TNNC2: variants seen among roughly 807,000 people sequenced by gnomAD.
TNNC2 encodes the protein troponin C, skeletal muscle.
Under a neutral mutation model 20.0 loss-of-function variants are expected in TNNC2, and 14 were observed. The ratio of observed to expected loss-of-function variants is 0.70; its 90% CI spans 0.46 to 1.09. TNNC2 has a LOEUF of 1.09. TNNC2 is among the 50% of genes least tolerant of loss of function. The probability of loss-of-function intolerance (pLI) is 0.00; values close to 1 mark genes in which losing one functional copy is unlikely to be tolerated. For synonymous variants in TNNC2, 81 were observed against 77.3 expected (o/e 1.05, Z -0.25); for missense variants, 163 against 223.8 (o/e 0.73, Z 1.73).
At chr20:45,828,197 C>CT (rs10630967), upstream of TNNC2, among the ~76,000 whole-genome samples, 12,418 of 142,258 alleles carry the variant, frequency 0.087, 1,295 homozygotes, top group African/African-American at 0.24. Flanking sequence ...CCACCCCTGG[C>CT]TTTTTTTTTT....
intron 2 of TNNC2, chr20:45,833,148 GAGAAAGAA>G (rs142638193): frequency 1.4e-5 from 2 of 146,004 alleles, no homozygotes; most frequent in Non-Finnish European, 3.0e-5. Context: ...CATCTCAAAA[GAGAAAGAA>G]AGAAAGAAAG....
chr20:45,826,693 C>A (rs753714100), intron 1 of TNNC2, among the ~76,000 whole-genome samples: 1 of 152,180 alleles, frequency 6.6e-6, no homozygotes, highest in Non-Finnish European at 1.5e-5. Flanking sequence ...GGATCTCAGA[C>A]CAAAACAACA....
chr20:45,826,770 C>T (rs892234180), intron 1 of TNNC2, among the ~76,000 whole-genome samples: 2 of 152,302 alleles, frequency 1.3e-5, no homozygotes, highest in East Asian at 1.9e-4. Flanking sequence ...ATCTTCTGCC[C>T]CTTCCCATCA....
chr20:45,825,600 G>GT (rs1555819742), intron 1 of TNNC2, among the ~76,000 whole-genome samples: 4 of 150,434 alleles, frequency 2.7e-5, no homozygotes, highest in Admixed American at 6.6e-5. Flanking sequence ...CCTGACCCCA[G>GT]TTTTTTTTGT....
chr20:45,831,298 C>T (rs1194558016), upstream of TNNC2, among the ~76,000 whole-genome samples: 4 of 151,180 alleles, frequency 2.6e-5, no homozygotes, highest in African/African-American at 9.7e-5. Flanking sequence ...AAGAAGAGGC[C>T]GGGCACGGTG....
chr20:45,832,005 T>C (rs950498742), upstream of TNNC2, among the ~76,000 whole-genome samples: 2 of 152,178 alleles, frequency 1.3e-5, no homozygotes, highest in South Asian at 2.1e-4. Context: ...TGAAGAGTAA[T>C]TCGAGGTTTG....
intron 1 of TNNC2, among the ~76,000 whole-genome samples, chr20:45,825,600 G>GA (rs1245046184): frequency 3.3e-5 from 5 of 150,318 alleles, no homozygotes; most frequent in Non-Finnish European, 7.4e-5. Context: ...CCTGACCCCA[G>GA]TTTTTTTTGT....
chr20:45,826,490 A>G (rs902836986), intron 1 of TNNC2, among the ~76,000 whole-genome samples: 3 of 152,202 alleles, frequency 2.0e-5, no homozygotes, highest in African/African-American at 7.2e-5. Flanking sequence ...CTTTGGATTG[A>G]GGCTGGCAGT....
chr20:45,824,873 G>A (rs1438575184), intron 1 of TNNC2, 39 bp from the exon 2 acceptor site: 6 of 1,612,766 alleles, frequency 3.7e-6, no homozygotes, highest in Non-Finnish European at 5.1e-6. Context: ...TGAAGAGGCA[G>A]CCCCAGAGCA....
chr20:45,823,431 C>A lies in TNNC2; in HGVS notation c.452-52G>T. On this transcript the variant is annotated intron_variant, in intron 5 of 5. Coordinates refer to ENST00000372555, the MANE Select transcript of TNNC2 (RefSeq NM_003279.3). This position sits in a 1 kb window ranked among gnomAD's most constrained non-coding sequence, Gnocchi z 4.6. ...AGGGGTCCCACTGGGGACGCAGAGG[C>A]CAGGCCAGGGCTCCAGCCACACAGA... is the stretch of plus-strand genomic sequence containing the variant. 6.5e-7 allele frequency: 1 copy of A among 1,546,100 alleles called. No homozygotes were observed. The highest frequency in any genetic ancestry group is 1.4e-5 in the African/African-American group (1 of 73,628).
chr20:45,830,116 C>T (rs1041458021), upstream of TNNC2, among the ~76,000 whole-genome samples: 6 of 151,386 alleles, frequency 4.0e-5, no homozygotes, highest in African/African-American at 1.5e-4. Flanking sequence ...TGGCAGATCA[C>T]GAGGTCAGGA....
rs1397260238 is a variant in TNNC2, at chr20:45,824,914, C to T, written c.4-80G>A. The T allele has an allele frequency of 2.0e-5, 30 of 1,512,856 alleles. No individual in the cohort carries two copies. In the Middle Eastern group the frequency reaches 5.1e-4, roughly 26 times the overall value. 93.7% of individuals were successfully genotyped at this position (1,512,856 alleles called of 1,614,324 possible). A position where few individuals can be genotyped will look rare whatever the true frequency, so the allele number is the denominator to read the frequency against. On this transcript the variant is annotated intron_variant, in intron 1 of 5. Transcript: ENST00000372555. ...TCACCTCAAAGCCATTCTTCCCAAC[C>T]CCCACTCTGTCAGCGCCCTTGGTTC...
chr20:45,830,982 A>G (rs1983094611), upstream of TNNC2, among the ~76,000 whole-genome samples: 1 of 151,114 alleles, frequency 6.6e-6, no homozygotes, highest in Non-Finnish European at 1.5e-5. Context: ...GCTGTCTCCA[A>G]TTAAAAAATT....
Position 45,824,475 on chromosome 20 carries a change from T to C in TNNC2, c.199+20A>G, listed in dbSNP as rs992657466. On this transcript the variant is annotated intron_variant, in intron 3 of 5. Transcript: ENST00000372555. ...CCGCCTCTCCCCACCATCCCCTGCCTCCGAGGGACACCCGCTCACCGTCCT... is the reference window on the plus strand; with the variant it reads ...CCGCCTCTCCCCACCATCCCCTGCCCCCGAGGGACACCCGCTCACCGTCCT... 23 of 1,612,848 alleles carry C rather than the reference T, an allele frequency of 1.4e-5. No homozygotes were observed. The African/African-American group carries it at 2.7e-4, about 19-fold the overall frequency.
At chr20:45,832,296 C>A (rs1425648244), upstream of TNNC2, among the ~76,000 whole-genome samples, 2 of 152,128 alleles carry the variant, frequency 1.3e-5, no homozygotes, top group Non-Finnish European at 2.9e-5. Context: ...GGCGACAGAG[C>A]AAGACTCTGT....
At chr20:45,824,470 C>G in intron 3 of TNNC2, 25 bp downstream of exon 3, 1 of 1,612,936 alleles carries the variant, frequency 6.2e-7, no homozygotes, top group Non-Finnish European at 8.5e-7. Context: ...CCACCATCCC[C>G]TGCCTCCGAG....
At chr20:45,827,892 G>T (rs1340891985), upstream of TNNC2, among the ~76,000 whole-genome samples, 1 of 152,172 alleles carries the variant, frequency 6.6e-6, no homozygotes, top group Non-Finnish European at 1.5e-5. Flanking sequence ...CCATGGTAAG[G>T]GGCAGGGGAT....
At chr20:45,833,132 AG>A (rs1366399488) in intron 2 of TNNC2, 2 of 152,144 alleles carry the variant, frequency 1.3e-5, no homozygotes, top group Admixed American at 1.3e-4. Context: ...TGACAGAGTG[AG>A]ACTCCATCTC....
upstream of TNNC2, among the ~76,000 whole-genome samples, chr20:45,827,656 C>A (rs544860611): frequency 3.3e-5 from 5 of 152,254 alleles, no homozygotes; most frequent in Non-Finnish European, 5.9e-5. Context: ...AGAGTACAAG[C>A]CTTGAAGTCC....
Sources: gnomAD v4.1 joint callset for allele counts (sites outside exome capture counted in the v4.1 genomes callset) on GRCh38, gnomAD v4.1.1 for gene constraint, Gnocchi (gnomAD v3.1) non-coding constraint, MANE v1.5 for transcripts, NCBI Gene and HGNC (gene_info 2026-07-23, HGNC 2026-07-21) for gene names.